MASTL: variants seen among roughly 807,000 people sequenced by gnomAD.
MASTL encodes the protein serine/threonine-protein kinase greatwall.
Under a neutral mutation model 82.5 loss-of-function variants are expected in MASTL, and 54 were observed. The ratio of observed to expected loss-of-function variants is 0.65; its 90% CI spans 0.53 to 0.82. MASTL has a LOEUF of 0.82. MASTL is among the 40% of genes least tolerant of loss of function. MASTL has a pLI of 0.00. For missense variants in MASTL, 950 were observed against 1,047.8 expected, an observed-to-expected ratio of 0.91 and a Z score of 1.29; for synonymous variants, 323 against 368.9, an observed-to-expected ratio of 0.88 and a Z score of 1.43.
At position 27,171,160 on chromosome 10, in the gene MASTL, A is replaced by C; in HGVS notation, c.2124+77A>C. The C allele has an allele frequency of 3.3e-6, 4 of 1,230,174 alleles. No homozygotes were observed. In the South Asian group the frequency reaches 3.6e-5, roughly 11 times the overall value. 76.2% of individuals were successfully genotyped at this position (1,230,174 alleles called of 1,614,324 possible). A position where few individuals can be genotyped will look rare whatever the true frequency, so the allele number is the denominator to read the frequency against. On this transcript the variant is annotated intron_variant, in intron 8 of 11. Coordinates refer to ENST00000375940, the MANE Select transcript of MASTL (RefSeq NM_001172303.3). ...AGACAGACATTTGCCTCTAAGCTAG[A>C]CTATGCGGTATTAATCATATAGTTC...
At chr10:27,183,121 T>C (rs1230708680) in intron 11 of MASTL, among the ~76,000 whole-genome samples, 1 of 152,234 alleles carries the variant, frequency 6.6e-6, no homozygotes, top group Non-Finnish European at 1.5e-5. Context: ...TTTGATACTA[T>C]TATTTATTGA....
In MASTL at chr10:27,161,156, G is replaced by A. The variant is rs1564483600; in HGVS notation, c.527G>A (p.Gly176Asp). ...NEGHIKLTDF[G>D]LSKVTLNRDI... The stretch of plus-strand genomic sequence containing the variant: ...GGTCATATTAAACTGACGGATTTTG[G>A]CCTTTCAAAAGTTACTTTGAATAGA... Residue 176 changes from glycine (G) to aspartate (D), a missense_variant, in exon 4 of 12, where the codon GGC becomes GAC. Transcript: ENST00000375940. 2 of 1,610,592 alleles carry A rather than the reference G, an allele frequency of 1.2e-6. No individual in the cohort carries two copies. Among genetic ancestry groups the A allele is most frequent in the Admixed American group, 1.7e-5 (1 of 59,970 alleles).
chr10:27,164,870 T>C (rs1412448024), intron 4 of MASTL, among the ~76,000 whole-genome samples, 194 bp from the exon 5 acceptor site: 1 of 151,960 alleles, frequency 6.6e-6, no homozygotes, highest in African/African-American at 2.4e-5. Flanking sequence ...ACTCCTGACC[T>C]CAAGTGATCC....
At chr10:27,173,048 T>A in intron 8 of MASTL, 70 bp from the exon 9 acceptor site, 1 of 1,584,560 alleles carries the variant, frequency 6.3e-7, no homozygotes, top group Non-Finnish European at 8.7e-7. Flanking sequence ...GGCTTGTGTG[T>A]TTCACCATTT....
At chr10:27,161,260 C>A in intron 4 of MASTL, 78 bp downstream of exon 4, 1 of 852,606 alleles carries the variant, frequency 1.2e-6, no homozygotes, top group South Asian at 1.3e-5. Flanking sequence ...GTAATCCCAG[C>A]ACTTTGGGAG....
intron 7 of MASTL, among the ~76,000 whole-genome samples, 160 bp downstream of exon 7, chr10:27,167,434 A>G (rs2057777104): frequency 6.6e-6 from 1 of 152,218 alleles, no homozygotes; most frequent in African/African-American, 2.4e-5. Context: ...CATTCTGTCA[A>G]ATTCTTTTGA....
Position 27,155,353 on chromosome 10 carries a change from C to G in MASTL, c.-74C>G. Reference sequence around the variant, plus strand: ...CGCGCGCGGCGTGGGCGGAGCCTCACTTTGAACCCAGTTGGCGGGAGTGGC... The same window carrying G: ...CGCGCGCGGCGTGGGCGGAGCCTCAGTTTGAACCCAGTTGGCGGGAGTGGC... On this transcript the variant is annotated 5_prime_UTR_variant, in exon 1 of 12. Coordinates refer to ENST00000375940, the MANE Select transcript of MASTL (RefSeq NM_001172303.3). 5 of 1,464,950 alleles carry G rather than the reference C, an allele frequency of 3.4e-6. No individual in the cohort carries two copies. The highest frequency in any genetic ancestry group is 4.6e-6 in the Non-Finnish European group (5 of 1,087,348). 90.7% of individuals were successfully genotyped at this position (1,464,950 alleles called of 1,614,324 possible).
intron 11 of MASTL, among the ~76,000 whole-genome samples, chr10:27,186,113 G>C (rs1245450555): frequency 1.3e-5 from 2 of 152,098 alleles, no homozygotes; most frequent in South Asian, 2.1e-4. Flanking sequence ...GAGAAAGATA[G>C]GCTTCTAAGT....
intron 11 of MASTL, among the ~76,000 whole-genome samples, chr10:27,184,335 A>C (rs1379472731): frequency 2.0e-5 from 3 of 152,180 alleles, no homozygotes; most frequent in African/African-American, 7.2e-5. Context: ...GTGAGGGAGC[A>C]GACATTTGGA....
At position 27,171,831 on chromosome 10, in the gene MASTL, T is replaced by TTTTTTA. The variant is rs1437193956; in HGVS notation, c.2124+753_2124+754insATTTTT. On this transcript the variant is annotated intron_variant, in intron 8 of 11. Transcript: ENST00000375940. ...AAAGTTGAAAAATATGTTTCTTTTT[T>TTTTTTA]TTTTTTTTTTTTTTTTGAGACAAAG... Among the ~76,000 whole-genome samples, 5 of 135,308 alleles carry TTTTTTA rather than the reference T, an allele frequency of 3.7e-5. No individual in the cohort carries two copies. In the East Asian group the frequency reaches 8.5e-4, roughly 23 times the overall value. The allele number at this position is 135,308 out of a possible 152,430, so 88.8% of individuals were successfully genotyped here.
rs1588724620 is a variant in MASTL, at chr10:27,180,892, C to G, written c.2267-61C>G. 4.6e-6 allele frequency: 5 copies of G among 1,088,640 alleles called. No individual in the cohort carries two copies. The East Asian group carries it at 1.2e-4, about 26-fold the overall frequency. 67.4% of individuals were successfully genotyped at this position (1,088,640 alleles called of 1,614,324 possible). ...AATTAGGACTCCACAATTAATATTT[C>G]TGTTCATCAAATATTTGTAGAGAAT... On this transcript the variant is annotated intron_variant, in intron 9 of 11. Coordinates refer to ENST00000375940, the MANE Select transcript of MASTL (RefSeq NM_001172303.3).
rs144153765 is a variant in MASTL, at chr10:27,176,318, T to C, written c.2266+3059T>C. The stretch of plus-strand genomic sequence containing the variant: ...TTCTCTTTTATTATTTTAGTGCCCT[T>C]CTATCTGATCTCTTCAACTTCATCT... On this transcript the variant is annotated intron_variant, in intron 9 of 11. Transcript: ENST00000375940. Among the ~76,000 whole-genome samples the C allele has an allele frequency of 2.1e-3, 326 of 152,340 alleles. 1 individual carries two copies. Among genetic ancestry groups the C allele is most frequent in the African/African-American group, 7.4e-3 (309 of 41,586 alleles).
intron 11 of MASTL, among the ~76,000 whole-genome samples, chr10:27,182,332 C>T (rs1376714969): frequency 6.6e-6 from 1 of 151,762 alleles, no homozygotes; most frequent in Non-Finnish European, 1.5e-5. Flanking sequence ...ATTTATTTCT[C>T]CCCTCTAGGT....
intron 1 of MASTL, among the ~76,000 whole-genome samples, chr10:27,156,855 G>C (rs941861362): frequency 9.2e-6 from 1 of 108,480 alleles, no homozygotes; most frequent in Non-Finnish European, 1.8e-5. Context: ...TTTTGAGATA[G>C]AGTTTCACAG....
intron 9 of MASTL, among the ~76,000 whole-genome samples, chr10:27,178,363 TC>T (rs1160243935): frequency 7.2e-6 from 1 of 139,190 alleles, no homozygotes. Flanking sequence ...ACCACTGCAC[TC>T]CAGCCTGGGT....
chr10:27,163,016 A>G (rs914438794), intron 4 of MASTL, among the ~76,000 whole-genome samples: 1 of 152,012 alleles, frequency 6.6e-6, no homozygotes, highest in African/African-American at 2.4e-5. Flanking sequence ...TCCCGGGTTC[A>G]AGCAATTCTC....
chr10:27,165,242 T>TA (rs553258748), intron 5 of MASTL, 72 bp downstream of exon 5: 416 of 1,359,590 alleles, frequency 3.1e-4, no homozygotes, highest in East Asian at 4.5e-4. Flanking sequence ...AAATCACCTT[T>TA]AAAAAAAAAG....
At chr10:27,183,402 GC>G (rs2058441387) in intron 11 of MASTL, among the ~76,000 whole-genome samples, 1 of 151,956 alleles carries the variant, frequency 6.6e-6, no homozygotes, top group South Asian at 2.1e-4. Context: ...TCCTGCCTCA[GC>G]CCCCCAAGTA....
At chr10:27,167,399 T>A in intron 7 of MASTL, 125 bp downstream of exon 7, 1 of 785,030 alleles carries the variant, frequency 1.3e-6, no homozygotes. Flanking sequence ...AGTCATAGTA[T>A]TAATCAGAAA....
Sources: gnomAD v4.1 joint callset for allele counts (sites outside exome capture counted in the v4.1 genomes callset) on GRCh38, gnomAD v4.1.1 for gene constraint, MANE v1.5 for transcripts, NCBI Gene and HGNC (gene_info 2026-07-23, HGNC 2026-07-21) for gene names.